The following ADARB2 variants were observed in gnomAD, a reference collection of about 807,000 sequenced individuals.
The protein encoded by ADARB2 is inactive double-stranded RNA-specific editase B2.
In ADARB2, 25 loss-of-function variants were observed where a neutral mutation model predicts 62.2. The ratio of observed to expected loss-of-function variants is 0.40; its 90% confidence interval spans 0.29 to 0.56. The LOEUF is 0.56. Ranked by LOEUF, ADARB2 falls within the 20% of genes least tolerant of loss-of-function variation. The probability of loss-of-function intolerance (pLI) is 0.43; values close to 1 mark genes in which losing one functional copy is unlikely to be tolerated. For synonymous variants in ADARB2, 572 were observed against 500.8 expected (o/e 1.14, Z -1.90); for missense variants, 1,071 against 1,077.4 (o/e 0.99, Z 0.08).
chr10:1,494,464 T>C (rs1289679727), intron 1 of ADARB2, among the ~76,000 whole-genome samples: 2 of 152,238 alleles, frequency 1.3e-5, no homozygotes, highest in Non-Finnish European at 2.9e-5. Context: ...CAGCTATGAA[T>C]GCTAAGCAAA....
At chr10:1,193,286 C>T (rs927053558) in intron 8 of ADARB2, among the ~76,000 whole-genome samples, 10 of 152,104 alleles carry the variant, frequency 6.6e-5, no homozygotes, top group African/African-American at 2.4e-4. Context: ...GCTCAGGTTC[C>T]CCCGAGGTTA....
chr10:1,544,997 A>C (rs1832498695), intron 1 of ADARB2, among the ~76,000 whole-genome samples: 1 of 151,970 alleles, frequency 6.6e-6, no homozygotes. Context: ...TGTCCCTTGC[A>C]GCAGGAATGT....
chr10:1,564,350 G>A (rs951958874), intron 1 of ADARB2, among the ~76,000 whole-genome samples: 3 of 152,214 alleles, frequency 2.0e-5, no homozygotes, highest in Non-Finnish European at 2.9e-5. Context: ...ATATGCATGG[G>A]CAAGGACTTC....
chr10:1,404,457 G>A (rs893681709), intron 1 of ADARB2, among the ~76,000 whole-genome samples: 2 of 152,226 alleles, frequency 1.3e-5, no homozygotes, highest in Admixed American at 6.5e-5. Context: ...CCAGGGAGAC[G>A]CTGCGTGGTG....
At position 1,733,693 on chromosome 10, in the gene ADARB2, G is replaced by A. The variant is rs182425273; in HGVS notation, c.100+3358C>T. 3.8e-3 allele frequency among the ~76,000 whole-genome samples: 570 copies of A among 151,784 alleles called. 5 individuals carry two copies. The highest frequency in any genetic ancestry group is 0.013 in the African/African-American group (548 of 41,386). On this transcript the variant is annotated intron_variant, in intron 1 of 9. Transcript: ENST00000381312. ...GTTAAAGTGTATCCTTTTTTAATAC[G>A]TACACATTGAGCTATTTTCTAATAC...
At chr10:1,545,422 A>T (rs112682712) in intron 1 of ADARB2, among the ~76,000 whole-genome samples, 93 of 152,374 alleles carry the variant, frequency 6.1e-4, no homozygotes, top group South Asian at 2.3e-3. Context: ...CTGGGATATA[A>T]GATAAAGGAA....
Position 1,585,202 on chromosome 10 carries a change from C to T in ADARB2, c.100+151849G>A, listed in dbSNP as rs371779483. Among the ~76,000 whole-genome samples the T allele has an allele frequency of 3.2e-4, 48 of 151,982 alleles. No homozygotes were observed. The East Asian group carries it at 7.7e-3, about 25-fold the overall frequency. On this transcript the variant is annotated intron_variant, in intron 1 of 9. Transcript: ENST00000381312. ...GCAGTGCGGACAGTGGGGGAGGCTG[C>T]GACTATACTGGGGACAGGGGCATGG...
At chr10:1,364,010 A>G (rs1043610463) in intron 2 of ADARB2, 93 bp from the exon 3 acceptor site, 150 of 1,367,964 alleles carry the variant, frequency 1.1e-4, no homozygotes, top group Non-Finnish European at 1.4e-4. Flanking sequence ...CGTCCCAGCG[A>G]CCTCGCCGCC....
intron 1 of ADARB2, among the ~76,000 whole-genome samples, chr10:1,581,406 C>T (rs961158858): frequency 2.6e-5 from 4 of 152,326 alleles, no homozygotes; most frequent in East Asian, 3.9e-4. Flanking sequence ...GGAGCTCAGG[C>T]GGCCACGTGG....
chr10:1,463,375 T>A (rs1831203187), intron 1 of ADARB2, among the ~76,000 whole-genome samples: 1 of 152,166 alleles, frequency 6.6e-6, no homozygotes, highest in African/African-American at 2.4e-5. Flanking sequence ...CTCAGAAACC[T>A]CCGTGTGTCG....
intron 1 of ADARB2, among the ~76,000 whole-genome samples, chr10:1,395,234 G>C (rs1025877768): frequency 6.6e-6 from 1 of 152,286 alleles, no homozygotes; most frequent in East Asian, 1.9e-4. Context: ...ACTGCTCAGA[G>C]CTCCGGCCCG....
At chr10:1,653,446 G>A (rs1204876919) in intron 1 of ADARB2, among the ~76,000 whole-genome samples, 1 of 151,036 alleles carries the variant, frequency 6.6e-6, no homozygotes, top group East Asian at 2.0e-4. Flanking sequence ...GGAATGTTGG[G>A]GGGCCCAGGA....
At chr10:1,729,104 G>T (rs529631422) in intron 1 of ADARB2, among the ~76,000 whole-genome samples, 4 of 152,192 alleles carry the variant, frequency 2.6e-5, no homozygotes, top group African/African-American at 7.2e-5. Context: ...TGAGAGCCTG[G>T]ATAGTCCTTT....
chr10:1,308,438 T>C (rs1043622255), intron 3 of ADARB2, among the ~76,000 whole-genome samples: 1 of 152,270 alleles, frequency 6.6e-6, no homozygotes, highest in Non-Finnish European at 1.5e-5. Flanking sequence ...TTTTGGCAAC[T>C]ATGATAAAGC....
chr10:1,491,455 A>G (rs2131931902), intron 1 of ADARB2, among the ~76,000 whole-genome samples: 1 of 152,316 alleles, frequency 6.6e-6, no homozygotes, highest in South Asian at 2.1e-4. Context: ...TTGTGTGCCT[A>G]CAGAATGTTA....
chr10:1,208,043 C>T (rs1837092761), intron 7 of ADARB2, among the ~76,000 whole-genome samples: 1 of 152,200 alleles, frequency 6.6e-6, no homozygotes, highest in Non-Finnish European at 1.5e-5. Context: ...AGGGTTTGGT[C>T]TCCAGGGCAC....
intron 1 of ADARB2, among the ~76,000 whole-genome samples, chr10:1,618,667 C>G (rs1385073575): frequency 6.6e-6 from 1 of 151,962 alleles, no homozygotes; most frequent in Non-Finnish European, 1.5e-5. Flanking sequence ...CTCTCAGGCT[C>G]CCAAAAGTCA....
At chr10:1,599,829 T>C (rs1001638209) in intron 1 of ADARB2, among the ~76,000 whole-genome samples, 1 of 152,162 alleles carries the variant, frequency 6.6e-6, no homozygotes, top group Non-Finnish European at 1.5e-5. Flanking sequence ...CACTGGAACC[T>C]CTGCCTCCCT....
At position 1,363,197 on chromosome 10, in the gene ADARB2, G is replaced by T; in HGVS notation, c.908C>A (p.Ala303Glu). ...GCTCACGGCCATCACGAAGCTCCGC[G>T]CGCGCCGCTCGGCCGGTTCTGCCAG... The part of the protein sequence containing the change: ...VCLAEPAERR[A>E]RSFVMAVSVD... Residue 303 changes from alanine (A) to glutamate (E), a missense_variant, in exon 3 of 10, where the codon GCG (alanine) becomes GAG (glutamate). Transcript: ENST00000381312. 6.7e-7 allele frequency: 1 copy of T among 1,494,520 alleles called. No homozygotes were observed. The highest frequency in any genetic ancestry group is 1.3e-5 in the South Asian group (1 of 79,330). The allele number at this position is 1,494,520 out of a possible 1,614,324, so 92.6% of individuals were successfully genotyped here.
Sources: gnomAD v4.1 joint callset for allele counts (sites outside exome capture counted in the v4.1 genomes callset) on GRCh38, gnomAD v4.1.1 for gene constraint, MANE v1.5 for transcripts, NCBI Gene and HGNC (gene_info 2026-07-23, HGNC 2026-07-21) for gene names.